The following CDH24 variants were observed in gnomAD, a reference collection of about 807,000 sequenced individuals.
CDH24 encodes the protein cadherin-24.
A neutral mutation model predicts 71.2 loss-of-function variants in CDH24; 61 were observed. The ratio of observed to expected loss-of-function variants is 0.86; its 90% CI spans 0.70 to 1.06. The LOEUF (loss-of-function observed/expected upper bound fraction) is 1.06, where lower values mean the gene tolerates loss of function less well. Ranked by LOEUF, CDH24 falls within the 50% of genes least tolerant of loss-of-function variation. The pLI is 0.00. For synonymous variants in CDH24, 440 were observed against 470.2 expected, an observed-to-expected ratio of 0.94 and a Z score of 0.83; for missense variants, 961 against 1,083.7, an observed-to-expected ratio of 0.89 and a Z score of 1.59.
chr14:23,053,545 C>G lies in CDH24; in HGVS notation c.1177G>C (p.Val393Leu). 2.5e-6 allele frequency: 4 copies of G among 1,605,990 alleles called. No homozygotes were observed. Among genetic ancestry groups the G allele is most frequent in the Non-Finnish European group, 3.4e-6 (4 of 1,173,820 alleles). ...VPENKAPGTL[V>L]GQISAADLDS... Reference sequence around the variant, plus strand: ...AGGTCAGCCGCGGAGATCTGGCCTACCAGGGTCCCCGGGGCCTTGTTCTCA... The same window carrying G: ...AGGTCAGCCGCGGAGATCTGGCCTAGCAGGGTCCCCGGGGCCTTGTTCTCA... The change falls in exon 7 of 13, where the codon GTA becomes CTA. Residue 393 changes from valine to leucine, a missense_variant. By Grantham distance (32) the Val-to-Leu change is conservative. Around this residue, in one of 2 missense-constraint regions of CDH24, gnomAD observed 671 missense variants for 810.9 expected, o/e 0.83. Transcript: ENST00000487137.
In CDH24 at chr14:23,057,504, G is replaced by A. The variant is rs954953149; in HGVS notation, c.-226C>T. 6.6e-6 allele frequency: 1 copy of A among 151,948 alleles called. No homozygotes were observed. The highest frequency in any genetic ancestry group is 2.1e-4 in the South Asian group (1 of 4,836). The allele number at this position is 151,948 out of a possible 1,614,324, so 9.4% of individuals were successfully genotyped here. A position where few individuals can be genotyped will look rare whatever the true frequency, so the allele number is the denominator to read the frequency against. On this transcript the variant is annotated 5_prime_UTR_variant, in exon 1 of 13. Coordinates refer to ENST00000487137, the MANE Select transcript of CDH24 (RefSeq NM_144985.4). This position sits in a 1 kb window ranked among gnomAD's most constrained non-coding sequence, Gnocchi z 5.4. ...CCGAGCCGATTGGAGCGGGCGCCGCGGCTCCGCTGCAGGTCTGAGCGGCCC... is the reference window on the plus strand; with the variant it reads ...CCGAGCCGATTGGAGCGGGCGCCGCAGCTCCGCTGCAGGTCTGAGCGGCCC...
rs1164085695 is a variant in CDH24 at position 23,053,541 on chromosome 14, C to A, written c.1181G>T (p.Gly394Val). 6.2e-7 allele frequency: 1 copy of A among 1,604,898 alleles called. No homozygotes were observed. The highest frequency in any genetic ancestry group is 1.1e-5 in the South Asian group (1 of 90,746). Residue 394 changes from glycine to valine, a missense_variant, in exon 7 of 13, where the codon GGC becomes GTC. Coordinates refer to ENST00000487137, the MANE Select transcript of CDH24 (RefSeq NM_144985.4). ...GTCCAGGTCAGCCGCGGAGATCTGGCCTACCAGGGTCCCCGGGGCCTTGTT... is the reference window on the plus strand; with the variant it reads ...GTCCAGGTCAGCCGCGGAGATCTGGACTACCAGGGTCCCCGGGGCCTTGTT... ...PENKAPGTLV[G>V]QISAADLDSP...
chr14:23,050,442 T>C (rs8019357), intron 8 of CDH24, among the ~76,000 whole-genome samples: 5,895 of 152,068 alleles, frequency 0.039, 387 homozygotes, highest in African/African-American at 0.13. Flanking sequence ...TGCATTTTCA[T>C]GCATAGAGGC....
rs1490179262 is a variant in CDH24 at position 23,048,322 on chromosome 14, C to T, written c.2004G>A (p.Pro668=). The change falls in exon 12 of 13, where the codon CCG becomes CCA. Residue 668 remains proline, a synonymous_variant. Transcript: ENST00000487137. Reference sequence around the variant, plus strand: ...CGGGCGCCGGGGGGGCCGCCCCGTCCGGGTTCTGCAAGGCCGTGATGTCGA... The same window carrying T: ...CGGGCGCCGGGGGGGCCGCCCCGTCTGGGTTCTGCAAGGCCGTGATGTCGA... The part of the protein sequence containing the change: ...EAFDITALQN[P]DGAAPPAPGP... 8 of 1,609,706 alleles carry T rather than the reference C, an allele frequency of 5.0e-6. No individual in the cohort carries two copies. Among genetic ancestry groups the T allele is most frequent in the Non-Finnish European group, 5.1e-6 (6 of 1,178,826 alleles).
chr14:23,049,823 T>C lies in CDH24; in HGVS notation c.1484A>G (p.Gln495Arg). Residue 495 changes from glutamine to arginine, a missense_variant and splice_region_variant, in exon 9 of 13, where the codon CAG (glutamine) becomes CGG (arginine). Gln to Arg is a conservative substitution (Grantham distance 43, BLOSUM62 1). Coordinates refer to ENST00000487137, the MANE Select transcript of CDH24 (RefSeq NM_144985.4). ...TFVCDSAAPG[Q>R]LIQVIRALDR... is the part of the protein sequence containing the mutation. Reference sequence around the variant, plus strand: ...AACCCCTCTGCCTCAGTTGCTCACCTGGCCAGGAGCTGCAGAGTCACACAC... The same window carrying C: ...AACCCCTCTGCCTCAGTTGCTCACCCGGCCAGGAGCTGCAGAGTCACACAC... 6.2e-7 allele frequency: 1 copy of C among 1,613,970 alleles called. No individual in the cohort carries two copies. Among genetic ancestry groups the C allele is most frequent in the Non-Finnish European group, 8.5e-7 (1 of 1,179,908 alleles).
At chr14:23,048,996 C>A (rs1282436330) in intron 11 of CDH24, 31 bp downstream of exon 11, 1 of 1,595,614 alleles carries the variant, frequency 6.3e-7, no homozygotes, top group South Asian at 1.1e-5. Flanking sequence ...GCCCAGATCG[C>A]ACAGCTATGT....
Position 23,048,270 on chromosome 14 carries a change from G to T in CDH24, c.2056C>A (p.Pro686Thr). The part of the protein sequence containing the change: ...PGPPARRDVL[P>T]RARVSRQPRP... The stretch of plus-strand genomic sequence containing the variant: ...GGCTGGCGCGACACCCGGGCCCGGG[G>T]CAACACGTCTCGGCGCGCGGGAGGG... The change falls in exon 12 of 13, where the codon CCC becomes ACC. Residue 686 changes from proline (P) to threonine (T), a missense_variant. Around this residue, in one of 2 missense-constraint regions of CDH24, gnomAD observed 290 missense variants for 272.8 expected, o/e 1.06. Coordinates refer to ENST00000487137, the MANE Select transcript of CDH24 (RefSeq NM_144985.4). 1.3e-6 allele frequency: 2 copies of T among 1,536,320 alleles called. No individual in the cohort carries two copies. Among genetic ancestry groups the T allele is most frequent in the Non-Finnish European group, 1.7e-6 (2 of 1,149,500 alleles).
rs2047115847 is a variant in CDH24 at position 23,054,968 on chromosome 14, G to A, written c.496+91C>T. On this transcript the variant is annotated intron_variant, in intron 3 of 12. Coordinates refer to ENST00000487137, the MANE Select transcript of CDH24 (RefSeq NM_144985.4). This position sits in a 1 kb window ranked among gnomAD's most constrained non-coding sequence, Gnocchi z 5.2. ...ATACGAGGGAGGCTGAATTGAAGGG[G>A]GCAGGTTCTGGGGCAGACAACAAGA... 6.3e-7 allele frequency: 1 copy of A among 1,589,520 alleles called. No individual in the cohort carries two copies. The highest frequency in any genetic ancestry group is 8.6e-7 in the Non-Finnish European group (1 of 1,164,626).
chr14:23,051,033 G>A lies in CDH24; in HGVS notation c.1364-1090C>T, dbSNP rs961256008. On this transcript the variant is annotated intron_variant, in intron 8 of 12. Transcript: ENST00000487137. The surrounding 1 kb of genome is among the most constrained non-coding windows in gnomAD (Gnocchi z 4.4). ...GAATGAGAAGACAGTGACTAGAAACGCACACACACACAAAGCTATGTATAT... is the reference window on the plus strand; with the variant it reads ...GAATGAGAAGACAGTGACTAGAAACACACACACACACAAAGCTATGTATAT... 2.7e-5 allele frequency among the ~76,000 whole-genome samples: 4 copies of A among 150,826 alleles called. No homozygotes were observed. Among genetic ancestry groups the A allele is most frequent in the African/African-American group, 4.9e-5 (2 of 40,948 alleles).
intron 11 of CDH24, 123 bp downstream of exon 11, chr14:23,048,904 A>G (rs1403794049): frequency 1.7e-5 from 20 of 1,159,004 alleles, no homozygotes; most frequent in Middle Eastern, 2.9e-4. Flanking sequence ...GGTGGTGGGA[A>G]AATCCAGGTA....
rs574989819 is a variant in CDH24, at chr14:23,052,320, G to A, written c.1363+153C>T. 6.3e-5 allele frequency: 56 copies of A among 892,746 alleles called. No individual in the cohort carries two copies. The Admixed American group carries it at 6.8e-4, about 11-fold the overall frequency. The allele number at this position is 892,746 out of a possible 1,614,324, so 55.3% of individuals were successfully genotyped here. A position where few individuals can be genotyped will look rare whatever the true frequency, so the allele number is the denominator to read the frequency against. On this transcript the variant is annotated intron_variant, in intron 8 of 12. Transcript: ENST00000487137. ...AGGACCCAGATCCAGGCTAGGACTTGGATCCAGGCTAGGACTCAGATCCAG... is the reference window on the plus strand; with the variant it reads ...AGGACCCAGATCCAGGCTAGGACTTAGATCCAGGCTAGGACTCAGATCCAG...
At position 23,054,546 on chromosome 14, in the gene CDH24, C is replaced by A. The variant is rs144702573; in HGVS notation, c.744G>T (p.Thr248=). 2 of 1,613,940 alleles carry A rather than the reference C, an allele frequency of 1.2e-6. No homozygotes were observed. The highest frequency in any genetic ancestry group is 8.5e-7 in the Non-Finnish European group (1 of 1,179,918). Residue 248 remains threonine (T), a synonymous_variant, in exon 5 of 13, where the codon ACG becomes ACT. Transcript: ENST00000487137. The surrounding 1 kb of genome is among the most constrained non-coding windows in gnomAD (Gnocchi z 5.2). The part of the protein sequence containing the change: ...GLSGSTTVTV[T]LSDVNDNPPK... ...GGGGGTTGTCGTTGACATCGCTGAGCGTGACAGTCACCGTAGTGCTGCCTG... is the reference window on the plus strand; with the variant it reads ...GGGGGTTGTCGTTGACATCGCTGAGAGTGACAGTCACCGTAGTGCTGCCTG...
intron 10 of CDH24, 74 bp downstream of exon 10, chr14:23,049,553 G>C: frequency 1.1e-6 from 1 of 937,286 alleles, no homozygotes; most frequent in Non-Finnish European, 1.7e-6. Context: ...GGGTCAGGCA[G>C]GCTGGGCTAG....
chr14:23,049,281 G>A lies in CDH24; in HGVS notation c.1598-6C>T. The stretch of plus-strand genomic sequence containing the variant: ...CAGCAGGCTGGCGGAGCCATCTGTG[G>A]GAGAGGGAAGGTGTTGAGGTATCTT... On this transcript the variant is annotated splice_polypyrimidine_tract_variant and splice_region_variant and intron_variant, in intron 10 of 12. Transcript: ENST00000487137. 3 of 1,566,492 alleles carry A rather than the reference G, an allele frequency of 1.9e-6. No individual in the cohort carries two copies. Among genetic ancestry groups the A allele is most frequent in the Non-Finnish European group, 2.6e-6 (3 of 1,155,590 alleles).
In CDH24 at chr14:23,047,987, G is replaced by T; in HGVS notation, c.2339C>A (p.Ala780Asp). 2.2e-6 allele frequency: 3 copies of T among 1,362,710 alleles called. No homozygotes were observed. Among genetic ancestry groups the T allele is most frequent in the Non-Finnish European group, 2.8e-6 (3 of 1,062,396 alleles). The allele number at this position is 1,362,710 out of a possible 1,614,324, so 84.4% of individuals were successfully genotyped here. A position where few individuals can be genotyped will look rare whatever the true frequency, so the allele number is the denominator to read the frequency against. ...CCGGGCCAGCCCGGGCGCTCAGGGG[G>T]CCGGGGGCTCCTTGGCCCCATACAG... ...AELYGAKEPP[A>D]P Residue 780 changes from alanine to aspartate, a missense_variant, in exon 12 of 13, where the codon GCC becomes GAC. By Grantham distance (126) the Ala-to-Asp change is moderately radical. This residue lies in a region of CDH24 where 290 missense variants were observed against 272.8 expected (regional missense o/e 1.06). Transcript: ENST00000487137.
At chr14:23,049,373 ATAGAGCCAGC>A in intron 10 of CDH24, 98 bp from the exon 11 acceptor site, 1 of 1,209,610 alleles carries the variant, frequency 8.3e-7, no homozygotes, top group Non-Finnish European at 1.1e-6. Context: ...CCAGCCCCCC[ATAGAGCCAGC>A]CCATAGGTCC....
rs1388298247 is a variant in CDH24, at chr14:23,053,536, T to A, written c.1186A>T (p.Ile396Phe). Residue 396 changes from isoleucine (I) to phenylalanine (F), a missense_variant, in exon 7 of 13, where the codon ATC (isoleucine) becomes TTC (phenylalanine). Physicochemically the swap from Ile to Phe is conservative, Grantham distance 21 (BLOSUM62 0). Around this residue, in one of 2 missense-constraint regions of CDH24, gnomAD observed 671 missense variants for 810.9 expected, o/e 0.83. Coordinates refer to ENST00000487137, the MANE Select transcript of CDH24 (RefSeq NM_144985.4). ...NKAPGTLVGQ[I>F]SAADLDSPAS... ...GGGGAGTCCAGGTCAGCCGCGGAGATCTGGCCTACCAGGGTCCCCGGGGCC... is the reference window on the plus strand; with the variant it reads ...GGGGAGTCCAGGTCAGCCGCGGAGAACTGGCCTACCAGGGTCCCCGGGGCC... 1.3e-6 allele frequency: 2 copies of A among 1,598,644 alleles called. No individual in the cohort carries two copies. Among genetic ancestry groups the A allele is most frequent in the Admixed American group, 3.3e-5 (2 of 59,718 alleles).
rs902161502 is a variant in CDH24, at chr14:23,055,846, A to G, written c.-113T>C. 8 of 836,920 alleles carry G rather than the reference A, an allele frequency of 9.6e-6. No homozygotes were observed. The highest frequency in any genetic ancestry group is 1.5e-5 in the Non-Finnish European group (8 of 551,592). The allele number at this position is 836,920 out of a possible 1,614,324, so 51.8% of individuals were successfully genotyped here. A position where few individuals can be genotyped will look rare whatever the true frequency, so the allele number is the denominator to read the frequency against. On this transcript the variant is annotated 5_prime_UTR_variant, in exon 2 of 13. The change abolishes an upstream ATG in the 5' untranslated region. Transcript: ENST00000487137. This position sits in a 1 kb window ranked among gnomAD's most constrained non-coding sequence, Gnocchi z 4.1. ...GGGGCAGATGCGTTGAGGCTACCCC[A>G]TGGATCCACACCTGCAGGACAAGCA...
chr14:23,054,977 TG>T lies in CDH24; in HGVS notation c.496+81del. On this transcript the variant is annotated intron_variant, in intron 3 of 12. Coordinates refer to ENST00000487137, the MANE Select transcript of CDH24 (RefSeq NM_144985.4). The surrounding 1 kb of genome is among the most constrained non-coding windows in gnomAD (Gnocchi z 5.2). ...AGGCTGAATTGAAGGGGGCAGGTTC[TG>T]GGGCAGACAACAAGAAGGGAAGGAG... The T allele has an allele frequency of 6.3e-7, 1 of 1,588,788 alleles. No individual in the cohort carries two copies. Among genetic ancestry groups the T allele is most frequent in the Non-Finnish European group, 8.6e-7 (1 of 1,164,506 alleles).
Sources: gnomAD v4.1 joint callset for allele counts (sites outside exome capture counted in the v4.1 genomes callset) on GRCh38, gnomAD v4.1.1 for gene constraint, gnomAD v4.1.1 regional missense constraint, Gnocchi (gnomAD v3.1) non-coding constraint, MANE v1.5 for transcripts, NCBI Gene and HGNC (gene_info 2026-07-23, HGNC 2026-07-21) for gene names.